The following CORO2B variants were observed in gnomAD, a reference collection of about 807,000 sequenced individuals.
CORO2B encodes the protein coronin-2B.
Under a neutral mutation model 58.8 loss-of-function variants are expected in CORO2B, and 26 were observed. The observed-to-expected ratio is 0.44, with a 90% CI of 0.32 to 0.61. The LOEUF (loss-of-function observed/expected upper bound fraction) is 0.61. CORO2B is among the 20% of genes least tolerant of loss of function. CORO2B has a pLI of 0.04. For missense variants in CORO2B, 460 were observed against 645.1 expected, an observed-to-expected ratio of 0.71 and a Z score of 3.11; for synonymous variants, 242 against 253.8, an observed-to-expected ratio of 0.95 and a Z score of 0.44.
the CORO2B span, among the ~76,000 whole-genome samples, chr15:68,542,454 T>A: frequency 6.6e-6 from 1 of 152,270 alleles, no homozygotes; most frequent in Non-Finnish European, 1.5e-5. Flanking sequence ...TCTAAGAGAA[T>A]ACTGCATCTT....
chr15:68,659,811 G>A (rs1901955895), intron 2 of CORO2B, among the ~76,000 whole-genome samples: 1 of 152,218 alleles, frequency 6.6e-6, no homozygotes, highest in Admixed American at 6.5e-5. Flanking sequence ...GTGCACGCCT[G>A]TAGTCCCAGC....
intron 1 of CORO2B, among the ~76,000 whole-genome samples, chr15:68,595,864 C>G (rs1275296800): frequency 2.6e-5 from 4 of 152,108 alleles, no homozygotes; most frequent in African/African-American, 9.7e-5. Context: ...GCCGAGGGAC[C>G]CTGGTGAGAC....
At chr15:68,582,523 T>G (rs1001636203) in intron 1 of CORO2B, among the ~76,000 whole-genome samples, 1 of 152,220 alleles carries the variant, frequency 6.6e-6, no homozygotes, top group African/African-American at 2.4e-5. Flanking sequence ...CTGACTGCTT[T>G]GTATAATTTT....
At chr15:68,618,244 G>A (rs531892621) in intron 1 of CORO2B, among the ~76,000 whole-genome samples, 1 of 151,968 alleles carries the variant, frequency 6.6e-6, no homozygotes, top group South Asian at 2.1e-4. Flanking sequence ...TTTAAATACT[G>A]GTAGCAGCCT....
At chr15:68,584,734 C>T (rs1899509188) in intron 1 of CORO2B, among the ~76,000 whole-genome samples, 1 of 152,220 alleles carries the variant, frequency 6.6e-6, no homozygotes, top group African/African-American at 2.4e-5. Context: ...TTTTCCTGAT[C>T]AGCCCCATTG....
At chr15:68,551,096 CG>C in the CORO2B span, among the ~76,000 whole-genome samples, 2 of 152,142 alleles carry the variant, frequency 1.3e-5, no homozygotes, top group Non-Finnish European at 2.9e-5. Context: ...CCAGGCTGAC[CG>C]CCCCTGGGTG....
chr15:68,617,487 C>T (rs769493658), intron 1 of CORO2B, among the ~76,000 whole-genome samples: 62 of 152,172 alleles, frequency 4.1e-4, no homozygotes, highest in Non-Finnish European at 7.1e-4. Flanking sequence ...ACTGGACCTC[C>T]ACATTCCCAC....
intron 1 of CORO2B, among the ~76,000 whole-genome samples, chr15:68,588,822 A>C (rs34481026): frequency 6.7e-6 from 1 of 148,886 alleles, no homozygotes; most frequent in Non-Finnish European, 1.5e-5. Flanking sequence ...GGACAAAGGG[A>C]TTTAATTCCT....
At chr15:68,725,698 G>C (rs952699067) in intron 11 of CORO2B, 145 bp from the exon 12 acceptor site, 1 of 1,010,830 alleles carries the variant, frequency 9.9e-7, no homozygotes, top group Non-Finnish European at 1.5e-6. Context: ...AAATGCACCT[G>C]GGGAGAATAA....
chr15:68,595,110 A>G (rs1226957412), intron 1 of CORO2B, among the ~76,000 whole-genome samples: 1 of 152,224 alleles, frequency 6.6e-6, no homozygotes, highest in African/African-American at 2.4e-5. Context: ...GTACCATGCA[A>G]AGTCCCAACT....
intron 7 of CORO2B, 107 bp from the exon 8 acceptor site, chr15:68,715,108 G>T (rs1893002239): frequency 2.0e-6 from 2 of 990,924 alleles, no homozygotes; most frequent in African/African-American, 1.6e-5. Context: ...TTTTTTAACT[G>T]CCCATGAGGC....
intron 2 of CORO2B, among the ~76,000 whole-genome samples, chr15:68,680,448 T>A (rs1239557499): frequency 3.3e-5 from 5 of 152,164 alleles, no homozygotes; most frequent in Non-Finnish European, 7.4e-5. Flanking sequence ...GACAGTGTCA[T>A]GGTTAGGCCC....
intron 1 of CORO2B, among the ~76,000 whole-genome samples, chr15:68,633,539 A>ACACACACT (rs1900922642): frequency 1.3e-5 from 2 of 151,828 alleles, no homozygotes; most frequent in African/African-American, 4.8e-5. Context: ...ACACACACAC[A>ACACACACT]CACACACTCA....
chr15:68,654,822 G>A (rs1260893774), intron 2 of CORO2B, among the ~76,000 whole-genome samples: 1 of 152,238 alleles, frequency 6.6e-6, no homozygotes, highest in Non-Finnish European at 1.5e-5. Context: ...TAGCTTTGGT[G>A]GGATTTGGAG....
chr15:68,693,433 A>G (rs528622260), intron 2 of CORO2B, among the ~76,000 whole-genome samples: 2 of 152,336 alleles, frequency 1.3e-5, no homozygotes, highest in East Asian at 3.9e-4. Context: ...AGACAGCGGT[A>G]TAACCTCCTA....
chr15:68,567,429 T>C, the CORO2B span, among the ~76,000 whole-genome samples: 38 of 152,176 alleles, frequency 2.5e-4, no homozygotes, highest in African/African-American at 8.9e-4. Context: ...CACCAGGAGA[T>C]ACATGGAGAT....
intron 1 of CORO2B, among the ~76,000 whole-genome samples, chr15:68,640,983 C>T (rs1444847941): frequency 4.6e-5 from 7 of 152,108 alleles, no homozygotes; most frequent in Admixed American, 2.0e-4. Flanking sequence ...CATAGGTTCA[C>T]GTGGAGTGGA....
At chr15:68,717,957 G>A (rs1461394508) in intron 8 of CORO2B, among the ~76,000 whole-genome samples, 1 of 152,194 alleles carries the variant, frequency 6.6e-6, no homozygotes, top group Non-Finnish European at 1.5e-5. Context: ...CCTCGAACCA[G>A]CCAAGGAACT....
chr15:68,698,034 G>C (rs1892555664), intron 3 of CORO2B, among the ~76,000 whole-genome samples: 1 of 152,140 alleles, frequency 6.6e-6, no homozygotes, highest in African/African-American at 2.4e-5. Context: ...CTGGAACTCA[G>C]GGCTGCTCCT....
Sources: allele counts gnomAD v4.1 joint callset (sites outside exome capture counted in the v4.1 genomes callset), GRCh38; gene constraint gnomAD v4.1.1; transcripts MANE v1.5; gene names NCBI Gene and HGNC (gene_info 2026-07-23, HGNC 2026-07-21).